The following ASPRV1 variants were observed in gnomAD, a reference collection of about 807,000 sequenced individuals.
ASPRV1 encodes the protein aspartic peptidase retroviral like 1, also known as retroviral-like aspartic protease 1.
In ASPRV1, 7 loss-of-function variants were observed where a neutral mutation model predicts 11.0. That is an observed-to-expected ratio of 0.64 (90% CI 0.36 to 1.20). The LOEUF is 1.20. Ranked by LOEUF, ASPRV1 falls within the 50% of genes most tolerant of loss-of-function variation. ASPRV1 has a pLI of 0.02. For synonymous variants in ASPRV1, 136 were observed against 138.4 expected (o/e 0.98, Z 0.12); for missense variants, 299 against 320.0 (o/e 0.93, Z 0.50).
chr2:70,067,275 G>C, the ASPRV1 span, among the ~76,000 whole-genome samples: 1 of 152,164 alleles, frequency 6.6e-6, no homozygotes, highest in Non-Finnish European at 1.5e-5. Flanking sequence ...GGCTTTAGCC[G>C]CTGCATACTG....
the ASPRV1 span, among the ~76,000 whole-genome samples, chr2:70,021,345 G>A: frequency 6.8e-6 from 1 of 147,246 alleles, no homozygotes; most frequent in African/African-American, 2.5e-5. Context: ...TTGAGACAGA[G>A]TCTCGCTCTG....
At chr2:70,049,027 CTTTTT>C in the ASPRV1 span, 3 of 146,508 alleles carry the variant, frequency 2.0e-5, no homozygotes, top group African/African-American at 5.0e-5. Context: ...AGATCACTTT[CTTTTT>C]TTTTTTTATT....
chr2:70,060,512 G>A, the ASPRV1 span, among the ~76,000 whole-genome samples: 1 of 152,020 alleles, frequency 6.6e-6, no homozygotes, highest in Non-Finnish European at 1.5e-5. Context: ...ACATACAAAG[G>A]GCAAGAGTTG....
the ASPRV1 span, among the ~76,000 whole-genome samples, chr2:70,024,954 C>T: frequency 1.3e-5 from 2 of 152,184 alleles, no homozygotes; most frequent in African/African-American, 2.4e-5. Flanking sequence ...AGCCCTGGTA[C>T]TAGAGTTAAT....
At chr2:70,036,212 T>C in the ASPRV1 span, among the ~76,000 whole-genome samples, 1 of 151,594 alleles carries the variant, frequency 6.6e-6, no homozygotes, top group East Asian at 2.0e-4. Flanking sequence ...TTGAATATGG[T>C]GGGTGGGCTG....
At chr2:69,950,845 A>AAAT in the ASPRV1 span, among the ~76,000 whole-genome samples, 1 of 8,036 alleles carries the variant, frequency 1.2e-4, no homozygotes, top group Non-Finnish European at 2.6e-4. Flanking sequence ...TCTGTCTCAA[A>AAAT]AATAAATAAA....
At chr2:69,979,150 T>C in the ASPRV1 span, among the ~76,000 whole-genome samples, 1 of 152,160 alleles carries the variant, frequency 6.6e-6, no homozygotes, top group Non-Finnish European at 1.5e-5. Context: ...TTCTTCTGCC[T>C]CAGCCTCCTG....
At chr2:70,014,930 C>T in the ASPRV1 span, among the ~76,000 whole-genome samples, 1 of 151,852 alleles carries the variant, frequency 6.6e-6, no homozygotes, top group African/African-American at 2.4e-5. Flanking sequence ...TCCTACAACT[C>T]AACAACAAAG....
At chr2:69,983,338 A>G in the ASPRV1 span, among the ~76,000 whole-genome samples, 4 of 152,352 alleles carry the variant, frequency 2.6e-5, no homozygotes, top group South Asian at 8.3e-4. Flanking sequence ...AGTAAAAAGA[A>G]GAGCTGGTTT....
chr2:70,082,574 G>A, the ASPRV1 span, among the ~76,000 whole-genome samples: 1 of 152,156 alleles, frequency 6.6e-6, no homozygotes, highest in Non-Finnish European at 1.5e-5. Flanking sequence ...GCCGGGTGTG[G>A]CGGCACATGC....
the ASPRV1 span, chr2:69,937,189 T>G: frequency 6.2e-7 from 1 of 1,609,854 alleles, no homozygotes; most frequent in South Asian, 1.1e-5. Context: ...ATTGCCCATT[T>G]AGAGATCTCC....
chr2:69,945,010 T>C, the ASPRV1 span, among the ~76,000 whole-genome samples: 5 of 152,160 alleles, frequency 3.3e-5, no homozygotes, highest in Non-Finnish European at 5.9e-5. Flanking sequence ...ACCTCTTCGA[T>C]GTCACTATGA....
the ASPRV1 span, among the ~76,000 whole-genome samples, chr2:69,970,065 T>C: frequency 6.6e-6 from 1 of 151,978 alleles, no homozygotes; most frequent in African/African-American, 2.4e-5. Context: ...GGCACTACTA[T>C]CTAGCCAGCC....
the ASPRV1 span, among the ~76,000 whole-genome samples, chr2:69,986,101 C>T: frequency 6.6e-6 from 1 of 152,194 alleles, no homozygotes; most frequent in Non-Finnish European, 1.5e-5. Context: ...GAGCAGGGGG[C>T]CTGTCAGACT....
chr2:70,033,470 A>T, the ASPRV1 span, among the ~76,000 whole-genome samples: 1 of 152,138 alleles, frequency 6.6e-6, no homozygotes, highest in African/African-American at 2.4e-5. Flanking sequence ...AATCCCCCTT[A>T]CATTATTCAA....
At chr2:70,075,876 A>C in the ASPRV1 span, among the ~76,000 whole-genome samples, 2 of 152,054 alleles carry the variant, frequency 1.3e-5, no homozygotes, top group Non-Finnish European at 1.5e-5. Context: ...GAAAATTCTC[A>C]ATGTGTATGC....
chr2:70,050,429 T>C, the ASPRV1 span, among the ~76,000 whole-genome samples: 14 of 152,262 alleles, frequency 9.2e-5, no homozygotes, highest in Admixed American at 2.0e-4. Context: ...AAGTAACTAT[T>C]TTTATAATTT....
At chr2:69,937,487 AG>A in the ASPRV1 span, 1 of 1,241,516 alleles carries the variant, frequency 8.1e-7, no homozygotes. Context: ...GAGTGTAAGA[AG>A]AACTAAGACA....
the ASPRV1 span, among the ~76,000 whole-genome samples, chr2:70,054,465 A>G: frequency 6.6e-6 from 1 of 150,832 alleles, no homozygotes; most frequent in African/African-American, 2.4e-5. Flanking sequence ...CTGTAGTCCC[A>G]GCTACTCAGG....
Sources: allele counts gnomAD v4.1 joint callset (sites outside exome capture counted in the v4.1 genomes callset), GRCh38; gene constraint gnomAD v4.1.1; transcripts MANE v1.5; gene names NCBI Gene and HGNC (gene_info 2026-07-23, HGNC 2026-07-21).